WDR72: variants seen among roughly 807,000 people sequenced by gnomAD.
The protein encoded by WDR72 is WD repeat-containing protein 72.
A neutral mutation model predicts 124.2 loss-of-function variants in WDR72; 120 were observed. That is an observed-to-expected ratio of 0.97 (90% confidence interval 0.83 to 1.12). The LOEUF (loss-of-function observed/expected upper bound fraction) is 1.12. Among genes scored for constraint, WDR72 ranks in the 50% most tolerant of loss-of-function variants. The pLI is 0.00. For missense variants in WDR72, 1,387 were observed against 1,278.8 expected, an observed-to-expected ratio of 1.08 and a Z score of -1.29; for synonymous variants, 452 against 441.7, an observed-to-expected ratio of 1.02 and a Z score of -0.29.
chr15:53,634,318 G>A (rs1417197746), intron 14 of WDR72, among the ~76,000 whole-genome samples: 4 of 152,216 alleles, frequency 2.6e-5, no homozygotes, highest in East Asian at 3.9e-4. Context: ...AAGAGGTTAT[G>A]GTGAAACCAG....
rs559285968 is a variant in WDR72 at position 53,746,831 on chromosome 15, G to C, written c.-13+12802C>G. On this transcript the variant is annotated intron_variant, in intron 1 of 19. Coordinates refer to ENST00000360509, the MANE Select transcript of WDR72 (RefSeq NM_182758.4). ...GAATTGTGCACTTTAAAAGTATGCA[G>C]TTTATTAAATGTATTATAAATTTAC... Among the ~76,000 whole-genome samples the C allele has an allele frequency of 2.6e-5, 4 of 152,288 alleles. No individual in the cohort carries two copies. The South Asian group carries it at 8.3e-4, about 32-fold the overall frequency.
At chr15:53,596,301 T>A (rs574963621) in intron 18 of WDR72, among the ~76,000 whole-genome samples, 2 of 152,216 alleles carry the variant, frequency 1.3e-5, no homozygotes, top group African/African-American at 4.8e-5. Context: ...AAGTTGTACT[T>A]TTTTTTACAG....
chr15:53,691,919 T>A (rs2016858449), intron 13 of WDR72, among the ~76,000 whole-genome samples: 1 of 152,346 alleles, frequency 6.6e-6, no homozygotes, highest in Non-Finnish European at 1.5e-5. Context: ...CTTGTGCTCA[T>A]GGAAGCTAAA....
chr15:53,571,524 T>C (rs371529483), intron 18 of WDR72, among the ~76,000 whole-genome samples: 43 of 152,156 alleles, frequency 2.8e-4, no homozygotes, highest in South Asian at 1.2e-3. Flanking sequence ...TCCAGGTTCA[T>C]TGATGTTGTT....
chr15:53,713,192 G>GGAA (rs1555427136), intron 6 of WDR72, among the ~76,000 whole-genome samples: 7 of 133,762 alleles, frequency 5.2e-5, no homozygotes, highest in African/African-American at 1.5e-4. Context: ...TGTATTTCTT[G>GGAA]AAAAAAAAAA....
In WDR72 at chr15:53,688,050, A is replaced by G. The variant is rs1161371586; in HGVS notation, c.1765+11700T>C. On this transcript the variant is annotated intron_variant, in intron 13 of 19. Coordinates refer to ENST00000360509, the MANE Select transcript of WDR72 (RefSeq NM_182758.4). Reference sequence around the variant, plus strand: ...AAAACTCTCAATAAATTAGGTATTGATGGGACGTATTTCAAAATAATAAGA... The same window carrying G: ...AAAACTCTCAATAAATTAGGTATTGGTGGGACGTATTTCAAAATAATAAGA... Among the ~76,000 whole-genome samples the G allele has an allele frequency of 2.0e-5, 3 of 146,946 alleles. No homozygotes were observed. In the South Asian group the frequency reaches 6.4e-4, roughly 31 times the overall value.
chr15:53,610,499 G>T (rs1424618730), intron 16 of WDR72, among the ~76,000 whole-genome samples: 1 of 151,278 alleles, frequency 6.6e-6, no homozygotes, highest in Non-Finnish European at 1.5e-5. Flanking sequence ...TGACATTGTG[G>T]TATCAACTAT....
chr15:53,557,027 A>C (rs1273666952), intron 18 of WDR72, among the ~76,000 whole-genome samples: 1 of 152,118 alleles, frequency 6.6e-6, no homozygotes, highest in Admixed American at 6.6e-5. Flanking sequence ...ACAATAATTT[A>C]CTGAAAGAAA....
chr15:53,740,385 G>A (rs2018477097), intron 1 of WDR72, among the ~76,000 whole-genome samples: 2 of 149,108 alleles, frequency 1.3e-5, no homozygotes, highest in African/African-American at 5.0e-5. Flanking sequence ...TCAGCTCACT[G>A]TAAGCTCCGT....
intron 13 of WDR72, among the ~76,000 whole-genome samples, chr15:53,686,340 G>T (rs143946300): frequency 0.013 from 2,014 of 151,844 alleles, 52 homozygotes; most frequent in African/African-American, 0.047. Flanking sequence ...GACACACATA[G>T]GCTCAAAATA....
chr15:53,647,922 G>A (rs1375469774), intron 14 of WDR72, among the ~76,000 whole-genome samples: 4 of 152,080 alleles, frequency 2.6e-5, no homozygotes, highest in Non-Finnish European at 5.9e-5. Context: ...AAATGCCAAA[G>A]TTGAAATTAA....
chr15:53,518,599 A>ATAAGAAGTGTGTTCTCAATG (rs1566937412), intron 19 of WDR72, among the ~76,000 whole-genome samples: 1 of 151,842 alleles, frequency 6.6e-6, no homozygotes, highest in East Asian at 1.9e-4. Flanking sequence ...AGCGCTAACC[A>ATAAGAAGTGTGTTCTCAATG]TAAGAAGTGT....
chr15:53,713,411 G>GTATTTTATTTTATTTTGTTT (rs1477955319), intron 6 of WDR72, among the ~76,000 whole-genome samples: 6 of 88,626 alleles, frequency 6.8e-5, no homozygotes, highest in Middle Eastern at 6.6e-3. Context: ...TTATTTTGTT[G>GTATTTTATTTTATTTTGTTT]TATTTTATTT....
intron 17 of WDR72, among the ~76,000 whole-genome samples, chr15:53,603,400 G>A (rs144649728): frequency 1.2e-3 from 177 of 152,210 alleles, no homozygotes; most frequent in African/African-American, 4.1e-3. Context: ...GCAAAAGCTA[G>A]AACCATTCTC....
chr15:53,680,852 A>G (rs1263486636), intron 13 of WDR72, among the ~76,000 whole-genome samples: 1 of 152,184 alleles, frequency 6.6e-6, no homozygotes, highest in Non-Finnish European at 1.5e-5. Context: ...GCTTCCCCCA[A>G]ATGTGAAAAG....
At chr15:53,754,771 C>T (rs2018858533) in intron 1 of WDR72, among the ~76,000 whole-genome samples, 1 of 152,108 alleles carries the variant, frequency 6.6e-6, no homozygotes, top group South Asian at 2.1e-4. Flanking sequence ...AAGGGCAACA[C>T]CATCTCCCAG....
chr15:53,759,109 ACACCC>A (rs1172849826), intron 1 of WDR72, among the ~76,000 whole-genome samples: 2 of 152,086 alleles, frequency 1.3e-5, no homozygotes, highest in African/African-American at 4.8e-5. Context: ...CCAAGCTGTC[ACACCC>A]CAGCAGGCTT....
At chr15:53,625,266 G>A (rs2014158273) in intron 14 of WDR72, among the ~76,000 whole-genome samples, 1 of 152,116 alleles carries the variant, frequency 6.6e-6, no homozygotes, top group Non-Finnish European at 1.5e-5. Flanking sequence ...TTAAGTGATT[G>A]GTTTACATGT....
intron 18 of WDR72, among the ~76,000 whole-genome samples, chr15:53,586,957 C>G (rs1044292194): frequency 7.2e-5 from 11 of 152,072 alleles, no homozygotes; most frequent in Non-Finnish European, 1.0e-4. Flanking sequence ...TGTCTAGAAT[C>G]CCTTTCTCTA....
Sources: allele counts gnomAD v4.1 joint callset (sites outside exome capture counted in the v4.1 genomes callset), GRCh38; gene constraint gnomAD v4.1.1; transcripts MANE v1.5; gene names NCBI Gene and HGNC (gene_info 2026-07-23, HGNC 2026-07-21).